The following WHRN variants were observed in gnomAD, a reference collection of about 807,000 sequenced individuals.
The protein encoded by WHRN is whirlin.
A neutral mutation model predicts 68.3 loss-of-function variants in WHRN; 41 were observed. That is an observed-to-expected ratio of 0.60 (90% CI 0.47 to 0.78). The LOEUF (loss-of-function observed/expected upper bound fraction) is 0.78, where lower values mean the gene tolerates loss of function less well. WHRN is among the 30% of genes least tolerant of loss of function. WHRN has a pLI of 0.00. For missense variants in WHRN, 1,243 were observed against 1,244.7 expected (o/e 1.00, Z 0.02); for synonymous variants, 560 against 561.3 (o/e 1.00, Z 0.03).
At chr9:114,403,437 C>T in intron 10 of WHRN, 98 bp from the exon 11 acceptor site, 1 of 1,522,790 alleles carries the variant, frequency 6.6e-7, no homozygotes, top group Non-Finnish European at 9.1e-7. Context: ...GTCAGCAGAG[C>T]TCAGGCTCCA....
chr9:114,409,814 C>A (rs56106064), intron 7 of WHRN, among the ~76,000 whole-genome samples: 50 of 151,966 alleles, frequency 3.3e-4, no homozygotes, highest in African/African-American at 7.0e-4. Flanking sequence ...AAAATCGTAA[C>A]CTTCCCCTCA....
chr9:114,448,832 T>A (rs1174647478), intron 3 of WHRN, among the ~76,000 whole-genome samples: 1 of 152,168 alleles, frequency 6.6e-6, no homozygotes, highest in Non-Finnish European at 1.5e-5. Flanking sequence ...GCAGACATCA[T>A]GGAGCAGAGA....
rs761376583 is a variant in WHRN, at chr9:114,423,560, C to A, written c.1417-37G>T. ...GACAAAAGGGGCACTCAGCAGGGAGCGCTACTAGAAGGTGGAACAGGGGCC... is the reference window on the plus strand; with the variant it reads ...GACAAAAGGGGCACTCAGCAGGGAGAGCTACTAGAAGGTGGAACAGGGGCC... On this transcript the variant is annotated intron_variant, in intron 6 of 11. Transcript: ENST00000362057. 33 of 1,577,114 alleles carry A rather than the reference C, an allele frequency of 2.1e-5. No individual in the cohort carries two copies. The South Asian group carries it at 3.2e-4, about 15-fold the overall frequency.
chr9:114,470,107 G>C (rs889696232), intron 2 of WHRN, among the ~76,000 whole-genome samples: 1 of 152,166 alleles, frequency 6.6e-6, no homozygotes, highest in South Asian at 2.1e-4. Context: ...GCTATATAAG[G>C]GTTCCACTCA....
At chr9:114,446,936 C>T (rs916259306) in intron 3 of WHRN, among the ~76,000 whole-genome samples, 10 of 151,826 alleles carry the variant, frequency 6.6e-5, no homozygotes, top group African/African-American at 1.9e-4. Context: ...GTCAGCCCCT[C>T]AGTCCCTCTC....
At chr9:114,425,149 C>G in intron 4 of WHRN, 125 bp from the exon 5 acceptor site, 1 of 964,320 alleles carries the variant, frequency 1.0e-6, no homozygotes, top group Non-Finnish European at 1.7e-6. Context: ...GTGGCCTCCA[C>G]TCGCTGCCAG....
chr9:114,497,541 AAAAG>A (rs1352297878), intron 1 of WHRN, among the ~76,000 whole-genome samples: 14 of 152,108 alleles, frequency 9.2e-5, no homozygotes, highest in Non-Finnish European at 1.8e-4. Context: ...AAGGAAAAAA[AAAAG>A]AAAGAAGCCC....
intron 3 of WHRN, among the ~76,000 whole-genome samples, chr9:114,464,608 T>C (rs2132928606): frequency 6.6e-6 from 1 of 152,306 alleles, no homozygotes; most frequent in Non-Finnish European, 1.5e-5. Context: ...TTTCAATACA[T>C]GAATTTTGGA....
At chr9:114,423,618 G>A in intron 6 of WHRN, 95 bp from the exon 7 acceptor site, 3 of 1,245,932 alleles carry the variant, frequency 2.4e-6, no homozygotes, top group Non-Finnish European at 3.3e-6. Context: ...ATGCAAACTT[G>A]ACCCTGCCTC....
chr9:114,463,774 T>C lies in WHRN; in HGVS notation c.963+2493A>G, dbSNP rs572915290. On this transcript the variant is annotated intron_variant, in intron 3 of 11. Transcript: ENST00000362057. ...GTCCAAACAAAGCATCACTCCTACCTGCTAAAAGCAAAGCAAGCACCTAGA... is the reference window on the plus strand; with the variant it reads ...GTCCAAACAAAGCATCACTCCTACCCGCTAAAAGCAAAGCAAGCACCTAGA... Among the ~76,000 whole-genome samples the C allele has an allele frequency of 2.2e-4, 34 of 152,344 alleles. No homozygotes were observed. In the South Asian group the frequency reaches 6.8e-3, roughly 31 times the overall value.
chr9:114,403,734 T>C (rs1460405901), intron 10 of WHRN, among the ~76,000 whole-genome samples, 162 bp downstream of exon 10: 2 of 152,170 alleles, frequency 1.3e-5, no homozygotes, highest in Non-Finnish European at 2.9e-5. Context: ...AGATTCCTAA[T>C]CCAGTGCTCC....
intron 7 of WHRN, among the ~76,000 whole-genome samples, chr9:114,414,834 A>G (rs1835694588): frequency 6.6e-6 from 1 of 152,058 alleles, no homozygotes; most frequent in Admixed American, 6.5e-5. Flanking sequence ...GGGCTCTTCT[A>G]CTCAAGGAGA....
At chr9:114,488,039 G>A (rs1842684251) in intron 1 of WHRN, among the ~76,000 whole-genome samples, 1 of 152,232 alleles carries the variant, frequency 6.6e-6, no homozygotes, top group African/African-American at 2.4e-5. Context: ...TAACCTGGTG[G>A]TGTCTTAGGG....
At chr9:114,443,416 GC>G (rs1287588343) in intron 3 of WHRN, among the ~76,000 whole-genome samples, 1 of 152,116 alleles carries the variant, frequency 6.6e-6, no homozygotes, top group Non-Finnish European at 1.5e-5. Context: ...GCTACCAGAG[GC>G]CTCCTACTTT....
chr9:114,405,307 C>G (rs1207024365), intron 9 of WHRN, among the ~76,000 whole-genome samples: 2 of 152,062 alleles, frequency 1.3e-5, no homozygotes, highest in Non-Finnish European at 2.9e-5. Context: ...AAATCCTGAC[C>G]TCAAATGACC....
At chr9:114,497,511 GTTTT>G (rs201924867) in intron 1 of WHRN, among the ~76,000 whole-genome samples, 1 of 117,932 alleles carries the variant, frequency 8.5e-6, no homozygotes, top group South Asian at 2.9e-4. Context: ...TTTGTTTTTT[GTTTT>G]TAAAAAAAAA....
chr9:114,504,735 C>G lies in WHRN; in HGVS notation c.67G>C (p.Gly23Arg). The change falls in exon 1 of 12, where the codon GGG becomes CGG. Residue 23 changes from glycine (G) to arginine (R), a missense_variant. Coordinates refer to ENST00000362057, the MANE Select transcript of WHRN (RefSeq NM_015404.4). ...SSTGSLGSAA[G>R]AGGGGGAGLR... ...CCCGCGCCCCCGCCGCCGCCCGCCC[C>G]GGCCGCCGAGCCCAGCGAGCCGGTG... is the stretch of plus-strand genomic sequence containing the variant. The G allele has an allele frequency of 6.6e-7, 1 of 1,509,294 alleles. No individual in the cohort carries two copies. Among genetic ancestry groups the G allele is most frequent in the Non-Finnish European group, 8.8e-7 (1 of 1,138,564 alleles). 93.5% of individuals were successfully genotyped at this position (1,509,294 alleles called of 1,614,324 possible).
intron 1 of WHRN, among the ~76,000 whole-genome samples, chr9:114,501,028 A>C (rs922006220): frequency 6.6e-6 from 1 of 152,176 alleles, no homozygotes; most frequent in Non-Finnish European, 1.5e-5. Context: ...ATACCAAGCA[A>C]ATCACAGACT....
intron 7 of WHRN, among the ~76,000 whole-genome samples, chr9:114,411,264 G>A (rs534638980): frequency 9.9e-5 from 15 of 152,274 alleles, no homozygotes; most frequent in Admixed American, 2.6e-4. Flanking sequence ...CCAGCCAGGC[G>A]CGTTAAGGTG....
Sources: allele counts gnomAD v4.1 joint callset (sites outside exome capture counted in the v4.1 genomes callset), GRCh38; gene constraint gnomAD v4.1.1; transcripts MANE v1.5; gene names NCBI Gene and HGNC (gene_info 2026-07-23, HGNC 2026-07-21).